The following ERLIN1 variants were observed in gnomAD, a reference collection of about 807,000 sequenced individuals.
ERLIN1 encodes erlin-1.
Under a neutral mutation model 46.9 loss-of-function variants are expected in ERLIN1, and 24 were observed. The ratio of observed to expected loss-of-function variants is 0.51; its 90% CI spans 0.37 to 0.72. The LOEUF is 0.72. Ranked by LOEUF, ERLIN1 falls within the 30% of genes least tolerant of loss-of-function variation. ERLIN1 has a pLI of 0.00. For missense variants in ERLIN1, 293 were observed against 417.9 expected, an observed-to-expected ratio of 0.70 and a Z score of 2.61; for synonymous variants, 158 against 143.2, an observed-to-expected ratio of 1.10 and a Z score of -0.74.
At position 100,152,057 on chromosome 10, in the gene ERLIN1, A is replaced by T; in HGVS notation, c.*74T>A. The stretch of plus-strand genomic sequence containing the variant: ...GTGTAAGTTCTCTGTAAATCTGAAG[A>T]GTCCGTATAATGATTGTTCCCACTT... On this transcript the variant is annotated 3_prime_UTR_variant, in exon 11 of 11. Coordinates refer to ENST00000421367, the MANE Select transcript of ERLIN1 (RefSeq NM_006459.4). 1.1e-6 allele frequency: 1 copy of T among 900,876 alleles called. No individual in the cohort carries two copies. Among genetic ancestry groups the T allele is most frequent in the Non-Finnish European group, 1.8e-6 (1 of 542,426 alleles). The allele number at this position is 900,876 out of a possible 1,614,324, so 55.8% of individuals were successfully genotyped here.
intron 6 of ERLIN1, among the ~76,000 whole-genome samples, chr10:100,170,313 A>G (rs1206115142): frequency 6.6e-6 from 1 of 152,194 alleles, no homozygotes. Flanking sequence ...AAAGCAAAGG[A>G]GCTCTTCTCT....
At chr10:100,162,411 G>C (rs1843404737) in intron 8 of ERLIN1, among the ~76,000 whole-genome samples, 2 of 152,174 alleles carry the variant, frequency 1.3e-5, no homozygotes, top group Admixed American at 1.3e-4. Flanking sequence ...GTGTGGAAAT[G>C]GGAATTCAAA....
At position 100,151,778 on chromosome 10, in the gene ERLIN1, G is replaced by GCCGTCTCATT; in HGVS notation, c.*352_*353insAATGAGACGG. The GCCGTCTCATT allele has an allele frequency of 3.0e-6, 1 of 331,698 alleles. No individual in the cohort carries two copies. The highest frequency in any genetic ancestry group is 2.6e-5 in the South Asian group (1 of 38,200). The allele number at this position is 331,698 out of a possible 1,614,324, so 20.5% of individuals were successfully genotyped here. On this transcript the variant is annotated 3_prime_UTR_variant, in exon 11 of 11. Transcript: ENST00000421367. ...CTGAGCATACATTTCCCCGGGGGAC[G>GCCGTCTCATT]AATGTAAACATTATTCAACAGATCT...
intron 6 of ERLIN1, among the ~76,000 whole-genome samples, chr10:100,168,539 A>G (rs1712111409): frequency 6.6e-6 from 1 of 152,212 alleles, no homozygotes; most frequent in Non-Finnish European, 1.5e-5. Context: ...GTGAGATGTC[A>G]GATTTCACCA....
At chr10:100,164,226 A>AAG in intron 7 of ERLIN1, 131 bp from the exon 8 acceptor site, 2 of 581,232 alleles carry the variant, frequency 3.4e-6, no homozygotes, top group Non-Finnish European at 6.1e-6. Flanking sequence ...AAGGTAGGTT[A>AAG]AGAGAGGTGT....
intron 7 of ERLIN1, among the ~76,000 whole-genome samples, chr10:100,165,351 A>T (rs1200746181): frequency 6.6e-6 from 1 of 151,778 alleles, no homozygotes; most frequent in African/African-American, 2.4e-5. Context: ...AGCAGAAAAC[A>T]CACAATATTC....
At chr10:100,152,589 A>G (rs1490388542) in intron 10 of ERLIN1, among the ~76,000 whole-genome samples, 1 of 148,744 alleles carries the variant, frequency 6.7e-6, no homozygotes, top group African/African-American at 2.6e-5. Context: ...ACTTTTTAAT[A>G]AAAGGATGGG....
intron 7 of ERLIN1, among the ~76,000 whole-genome samples, chr10:100,167,069 A>G (rs1384420634): frequency 6.6e-6 from 1 of 152,208 alleles, no homozygotes; most frequent in African/African-American, 2.4e-5. Flanking sequence ...TATTCATATA[A>G]AATTATAGCT....
At chr10:100,176,189 A>G (rs1429667828) in intron 4 of ERLIN1, 119 bp from the exon 5 acceptor site, 4 of 802,648 alleles carry the variant, frequency 5.0e-6, no homozygotes, top group Admixed American at 3.5e-5. Context: ...CCAACAAAAT[A>G]GTGAAACCAA....
intron 7 of ERLIN1, among the ~76,000 whole-genome samples, chr10:100,166,273 A>G (rs1436448913): frequency 6.6e-6 from 1 of 152,094 alleles, no homozygotes; most frequent in Non-Finnish European, 1.5e-5. Context: ...TACAAAATTT[A>G]GCTAGGTGTG....
At chr10:100,174,587 G>C (rs1278961378) in intron 5 of ERLIN1, among the ~76,000 whole-genome samples, 1 of 152,156 alleles carries the variant, frequency 6.6e-6, no homozygotes, top group Non-Finnish European at 1.5e-5. Flanking sequence ...TTATTTACTG[G>C]ATAAACAACT....
chr10:100,174,461 A>G (rs1844181038), intron 5 of ERLIN1, among the ~76,000 whole-genome samples, 180 bp from the exon 6 acceptor site: 1 of 152,232 alleles, frequency 6.6e-6, no homozygotes, highest in Non-Finnish European at 1.5e-5. Flanking sequence ...GAATTATCTA[A>G]TAAAGAAATT....
At chr10:100,185,291 A>C (rs926710830) in intron 1 of ERLIN1, among the ~76,000 whole-genome samples, 4 of 152,122 alleles carry the variant, frequency 2.6e-5, no homozygotes, top group African/African-American at 9.7e-5. Flanking sequence ...TGTGTATAGG[A>C]ATAACCGTAG....
chr10:100,180,282 G>T (rs138043079), intron 2 of ERLIN1, among the ~76,000 whole-genome samples: 93 of 152,246 alleles, frequency 6.1e-4, no homozygotes, highest in Non-Finnish European at 1.2e-3. Context: ...ATCTTATCAA[G>T]CACAAAGCAA....
intron 2 of ERLIN1, among the ~76,000 whole-genome samples, chr10:100,183,098 A>G (rs767077929): frequency 2.0e-5 from 3 of 152,330 alleles, no homozygotes; most frequent in Non-Finnish European, 2.9e-5. Flanking sequence ...TGGCAGACAA[A>G]CTTCTGAATC....
chr10:100,162,390 C>T (rs572048704), intron 8 of ERLIN1, among the ~76,000 whole-genome samples: 1 of 152,158 alleles, frequency 6.6e-6, no homozygotes, highest in African/African-American at 2.4e-5. Flanking sequence ...ACTCCAAGGA[C>T]CAAGAAGGAT....
intron 4 of ERLIN1, 120 bp downstream of exon 4, chr10:100,178,013 T>A (rs767810409): frequency 1.2e-4 from 80 of 682,022 alleles, no homozygotes; most frequent in Admixed American, 1.7e-4. Flanking sequence ...CAGAAATTTA[T>A]TAATCAGTGA....
At chr10:100,170,198 A>G (rs1268673501) in intron 6 of ERLIN1, among the ~76,000 whole-genome samples, 1 of 152,214 alleles carries the variant, frequency 6.6e-6, no homozygotes, top group Non-Finnish European at 1.5e-5. Context: ...TATCACAACC[A>G]TATGGTAATG....
rs114752243 is a variant in ERLIN1, at chr10:100,156,052, C to T, written c.745+93G>A. On this transcript the variant is annotated intron_variant, in intron 9 of 10. Coordinates refer to ENST00000421367, the MANE Select transcript of ERLIN1 (RefSeq NM_006459.4). Reference sequence around the variant, plus strand: ...CCAGACCAGATTATTCTGTCTATGGCCTTCTCACCCACCACAATCAAAGGC... The same window carrying T: ...CCAGACCAGATTATTCTGTCTATGGTCTTCTCACCCACCACAATCAAAGGC... The T allele has an allele frequency of 2.1e-5, 16 of 768,588 alleles. No homozygotes were observed. In the African/African-American group the frequency reaches 2.7e-4, roughly 13 times the overall value. 47.6% of individuals were successfully genotyped at this position (768,588 alleles called of 1,614,324 possible).
Sources: allele counts gnomAD v4.1 joint callset (sites outside exome capture counted in the v4.1 genomes callset), GRCh38; gene constraint gnomAD v4.1.1; transcripts MANE v1.5; gene names NCBI Gene and HGNC (gene_info 2026-07-23, HGNC 2026-07-21).